The following CNKSR3 variants were observed in gnomAD, a reference collection of about 807,000 sequenced individuals.
CNKSR3 encodes connector enhancer of kinase suppressor of ras 3.
CNKSR3 carries 36 observed loss-of-function variants against 67.7 expected under a neutral mutation model. The observed-to-expected ratio is 0.53, with a 90% CI of 0.41 to 0.70. The LOEUF is 0.70. Ranked by LOEUF, CNKSR3 falls within the 30% of genes least tolerant of loss-of-function variation. CNKSR3 has a pLI of 0.00. For missense variants in CNKSR3, 630 were observed against 695.2 expected, an observed-to-expected ratio of 0.91 and a Z score of 1.05; for synonymous variants, 281 against 271.4, an observed-to-expected ratio of 1.04 and a Z score of -0.35.
At chr6:154,415,106 A>AC (rs1562321160) in intron 9 of CNKSR3, among the ~76,000 whole-genome samples, 11 of 95,338 alleles carry the variant, frequency 1.2e-4, no homozygotes, top group Non-Finnish European at 2.8e-4. Context: ...TCAAAAAAAA[A>AC]AAAAAAAAAA....
At chr6:154,441,531 T>G (rs369251638) in intron 3 of CNKSR3, 152 bp from the exon 4 acceptor site, 5 of 606,314 alleles carry the variant, frequency 8.2e-6, no homozygotes, top group African/African-American at 1.9e-5. Context: ...TCGCCCAGGC[T>G]GGAGTGCAGT....
In CNKSR3 at chr6:154,411,120, A is replaced by C; in HGVS notation, c.1093T>G (p.Tyr365Asp). The change falls in exon 11 of 13, where the codon TAT becomes GAT. Residue 365 changes from tyrosine to aspartate, a missense_variant. Coordinates refer to ENST00000607772, the MANE Select transcript of CNKSR3 (RefSeq NM_173515.4). ...SPRDENGSFV[Y>D]GGSSKCKQPL... ...TGTTTGCACTTACTGGACCCTCCAT[A>C]AACAAAACTGCCATTCTCATCCCTG... is the stretch of plus-strand genomic sequence containing the variant. The C allele has an allele frequency of 6.2e-7, 1 of 1,612,354 alleles. No homozygotes were observed. Among genetic ancestry groups the C allele is most frequent in the Non-Finnish European group, 8.5e-7 (1 of 1,178,550 alleles).
chr6:154,502,165 G>A (rs1391605958), intron 1 of CNKSR3, among the ~76,000 whole-genome samples: 3 of 151,064 alleles, frequency 2.0e-5, no homozygotes, highest in African/African-American at 7.3e-5. Flanking sequence ...TATGCCATAC[G>A]TTATGCAAAG....
At chr6:154,455,148 A>G (rs1785927106) in intron 1 of CNKSR3, among the ~76,000 whole-genome samples, 1 of 150,998 alleles carries the variant, frequency 6.6e-6, no homozygotes, top group Non-Finnish European at 1.5e-5. Flanking sequence ...CATCTCTACT[A>G]AAAATACAAA....
At chr6:154,490,973 G>A (rs1227358711) in intron 1 of CNKSR3, among the ~76,000 whole-genome samples, 3 of 151,856 alleles carry the variant, frequency 2.0e-5, no homozygotes, top group African/African-American at 7.3e-5. Context: ...TCAGCCTCCT[G>A]AGTAGCTGGG....
intron 1 of CNKSR3, among the ~76,000 whole-genome samples, chr6:154,490,544 G>A (rs1295913864): frequency 3.9e-5 from 6 of 152,094 alleles, no homozygotes; most frequent in Non-Finnish European, 8.8e-5. Context: ...ACAATACATA[G>A]ATACAAATAC....
chr6:154,456,004 A>C (rs1040947902), intron 1 of CNKSR3, among the ~76,000 whole-genome samples: 1 of 152,160 alleles, frequency 6.6e-6, no homozygotes, highest in African/African-American at 2.4e-5. Context: ...ATGCAAAAAA[A>C]AACAAACAAA....
At chr6:154,446,216 T>A (rs1240374275) in intron 2 of CNKSR3, among the ~76,000 whole-genome samples, 1 of 152,094 alleles carries the variant, frequency 6.6e-6, no homozygotes, top group East Asian at 1.9e-4. Context: ...AACCATACAC[T>A]AAATGGGAGA....
chr6:154,497,197 A>T (rs527365339), intron 1 of CNKSR3, among the ~76,000 whole-genome samples: 1 of 151,864 alleles, frequency 6.6e-6, no homozygotes, highest in Admixed American at 6.6e-5. Flanking sequence ...TGGGAAACGG[A>T]AACATAATGA....
intron 1 of CNKSR3, among the ~76,000 whole-genome samples, chr6:154,455,878 T>G (rs1785941935): frequency 1.2e-5 from 1 of 83,616 alleles, no homozygotes; most frequent in Non-Finnish European, 2.5e-5. Flanking sequence ...CCTCTCAGTA[T>G]CAGTCTTTGA....
chr6:154,465,773 T>C (rs558417325), intron 1 of CNKSR3, among the ~76,000 whole-genome samples: 1 of 152,366 alleles, frequency 6.6e-6, no homozygotes, highest in East Asian at 1.9e-4. Flanking sequence ...CTCTCCCACC[T>C]GGATGGGTCA....
intron 7 of CNKSR3, among the ~76,000 whole-genome samples, chr6:154,427,040 T>A (rs1417212802): frequency 6.6e-6 from 1 of 152,136 alleles, no homozygotes; most frequent in Non-Finnish European, 1.5e-5. Flanking sequence ...GTCTAGGAGG[T>A]GACATGGTAT....
rs895615257 is a variant in CNKSR3 at position 154,392,714 on chromosome 6, C to G, written c.*13640G>C. Reference sequence around the variant, plus strand: ...TTCATTAGCATCGATGTTTGGGGAACAAGGAGCCCTTGCCTCCCCTGACGG... The same window carrying G: ...TTCATTAGCATCGATGTTTGGGGAAGAAGGAGCCCTTGCCTCCCCTGACGG... On this transcript the variant is annotated 3_prime_UTR_variant, in exon 13 of 13. Coordinates refer to ENST00000607772, the MANE Select transcript of CNKSR3 (RefSeq NM_173515.4). The G allele has an allele frequency of 6.6e-6, 1 of 152,252 alleles. No individual in the cohort carries two copies. Among genetic ancestry groups the G allele is most frequent in the Non-Finnish European group, 1.5e-5 (1 of 68,078 alleles). The allele number at this position is 152,252 out of a possible 1,614,324, so 9.4% of individuals were successfully genotyped here.
chr6:154,422,899 CA>C lies in CNKSR3; in HGVS notation c.798+15del. 1 of 1,582,982 alleles carries C rather than the reference CA, an allele frequency of 6.3e-7. No individual in the cohort carries two copies. Among genetic ancestry groups the C allele is most frequent in the Non-Finnish European group, 8.6e-7 (1 of 1,161,802 alleles). ...AGTTTTAAGGAGGAAAATTGAGCCT[CA>C]ATAAACAAACTCACCACAGTTTGCT... On this transcript the variant is annotated intron_variant, in intron 8 of 12. Transcript: ENST00000607772.
At chr6:154,477,623 T>A (rs1459748691) in intron 1 of CNKSR3, among the ~76,000 whole-genome samples, 1 of 152,094 alleles carries the variant, frequency 6.6e-6, no homozygotes, top group African/African-American at 2.4e-5. Context: ...GTCTGGCTGC[T>A]TCTCTGTAAT....
chr6:154,495,950 A>G lies in CNKSR3; in HGVS notation c.52+14113T>C, dbSNP rs566950969. On this transcript the variant is annotated intron_variant, in intron 1 of 12. Transcript: ENST00000607772. ...CTCTGTCATCAAGACACCAGCTTTCAAAGCTCTGTATTATATCTCTATTAT... is the reference window on the plus strand; with the variant it reads ...CTCTGTCATCAAGACACCAGCTTTCGAAGCTCTGTATTATATCTCTATTAT... Among the ~76,000 whole-genome samples, 53 of 152,202 alleles carry G rather than the reference A, an allele frequency of 3.5e-4. No homozygotes were observed. In the South Asian group the frequency reaches 0.01, roughly 29 times the overall value.
Position 154,442,120 on chromosome 6 carries a change from G to A in CNKSR3, c.387C>T (p.Gly129=), listed in dbSNP as rs765048402. 5 of 1,611,324 alleles carry A rather than the reference G, an allele frequency of 3.1e-6. No individual in the cohort carries two copies. Among genetic ancestry groups the A allele is most frequent in the Non-Finnish European group, 3.4e-6 (4 of 1,177,842 alleles). Residue 129 remains glycine (G), a synonymous_variant, in exon 3 of 13, where the codon GGC becomes GGT. Transcript: ENST00000607772. ...EFLTSVVELI[G]AAKALLAWLD... ...GCCACGCCAGCAGGGCCTTGGCGGC[G>A]CCGATGAGCTCCACCACCGAGGTCA...
rs115490705 is a variant in CNKSR3, at chr6:154,501,966, A to C, written c.52+8097T>G. Among the ~76,000 whole-genome samples, 689 of 152,330 alleles carry C rather than the reference A, an allele frequency of 4.5e-3. 8 individuals are homozygous for C. The highest frequency in any genetic ancestry group is 0.016 in the African/African-American group (654 of 41,580). Reference sequence around the variant, plus strand: ...CAACAAAAGGGTGAATGGAATTGTCATAAATTATTAATAAGCACATGAAGG... The same window carrying C: ...CAACAAAAGGGTGAATGGAATTGTCCTAAATTATTAATAAGCACATGAAGG... On this transcript the variant is annotated intron_variant, in intron 1 of 12. Transcript: ENST00000607772.
chr6:154,459,080 AAGAG>A (rs1786020760), intron 1 of CNKSR3, among the ~76,000 whole-genome samples: 2 of 151,962 alleles, frequency 1.3e-5, no homozygotes, highest in African/African-American at 4.8e-5. Context: ...GAAAAAAAGA[AAGAG>A]AAAGAAGAAA....
Sources: gnomAD v4.1 joint callset for allele counts (sites outside exome capture counted in the v4.1 genomes callset) on GRCh38, gnomAD v4.1.1 for gene constraint, MANE v1.5 for transcripts, NCBI Gene and HGNC (gene_info 2026-07-23, HGNC 2026-07-21) for gene names.